The following ELP4 variants were observed in gnomAD, a reference collection of about 807,000 sequenced individuals.
The protein encoded by ELP4 is elongator complex protein 4.
A neutral mutation model predicts 48.9 loss-of-function variants in ELP4; 51 were observed. The observed-to-expected ratio is 1.04, with a 90% CI of 0.83 to 1.32. ELP4 has a LOEUF of 1.32. ELP4 is among the 40% of genes most tolerant of loss of function. ELP4 has a pLI of 0.00. For synonymous variants in ELP4, 210 were observed against 189.2 expected (o/e 1.11, Z -0.90); for missense variants, 519 against 514.6 (o/e 1.01, Z -0.08).
At chr11:31,695,706 CT>C (rs1946388105) in intron 9 of ELP4, among the ~76,000 whole-genome samples, 1 of 148,966 alleles carries the variant, frequency 6.7e-6, no homozygotes, top group African/African-American at 2.5e-5. Flanking sequence ...AGAATTTCCT[CT>C]TTTTCTATTG....
chr11:31,570,021 G>T (rs569601275), intron 3 of ELP4, among the ~76,000 whole-genome samples: 21 of 152,252 alleles, frequency 1.4e-4, no homozygotes, highest in African/African-American at 5.1e-4. Flanking sequence ...TACATACCCG[G>T]AGGAAAATAA....
At chr11:31,545,360 G>A (rs1956681934) in intron 3 of ELP4, among the ~76,000 whole-genome samples, 2 of 152,276 alleles carry the variant, frequency 1.3e-5, no homozygotes. Flanking sequence ...TAGCCGATGC[G>A]ATCAACTGGA....
At chr11:31,567,711 T>G (rs1957134376) in intron 3 of ELP4, among the ~76,000 whole-genome samples, 1 of 152,240 alleles carries the variant, frequency 6.6e-6, no homozygotes, top group African/African-American at 2.4e-5. Flanking sequence ...AGTCACTTTT[T>G]TTATTTCCCA....
At chr11:31,761,142 G>A (rs931608263) in intron 9 of ELP4, among the ~76,000 whole-genome samples, 4 of 151,990 alleles carry the variant, frequency 2.6e-5, no homozygotes, top group African/African-American at 7.2e-5. Flanking sequence ...CAGGGGGATC[G>A]CTTCGGCAAC....
chr11:31,720,456 T>C (rs537872541), intron 9 of ELP4, among the ~76,000 whole-genome samples: 3 of 152,188 alleles, frequency 2.0e-5, no homozygotes, highest in Admixed American at 2.0e-4. Context: ...GGTAACCCGC[T>C]GATGCAGGCA....
intron 9 of ELP4, among the ~76,000 whole-genome samples, chr11:31,680,727 T>G (rs993266709): frequency 6.6e-6 from 1 of 152,208 alleles, no homozygotes; most frequent in Non-Finnish European, 1.5e-5. Context: ...TCTTCTAATG[T>G]TGTGTTCAAT....
At chr11:31,735,322 G>C (rs142337236) in intron 9 of ELP4, among the ~76,000 whole-genome samples, 1 of 152,070 alleles carries the variant, frequency 6.6e-6, no homozygotes, top group Non-Finnish European at 1.5e-5. Flanking sequence ...ATTGATCTTG[G>C]ATATGACGTG....
At chr11:31,761,836 G>A (rs1947952602) in intron 9 of ELP4, 1 of 152,172 alleles carries the variant, frequency 6.6e-6, no homozygotes, top group Non-Finnish European at 1.5e-5. Context: ...TGCTCCAAGT[G>A]ACTCCTACTG....
chr11:31,783,320 A>T, intron 9 of ELP4, 73 bp from the exon 10 acceptor site: 2 of 1,387,516 alleles, frequency 1.4e-6, no homozygotes, highest in East Asian at 2.3e-5. Context: ...AATCTGAAGT[A>T]TGCTAGCCAA....
chr11:31,549,092 T>C (rs376497902), intron 3 of ELP4, among the ~76,000 whole-genome samples: 1 of 151,778 alleles, frequency 6.6e-6, no homozygotes, highest in African/African-American at 2.4e-5. Flanking sequence ...ACTTCATGTC[T>C]AAAACACCAA....
chr11:31,625,460 A>G (rs1944722865), intron 5 of ELP4, among the ~76,000 whole-genome samples: 1 of 151,890 alleles, frequency 6.6e-6, no homozygotes, highest in South Asian at 2.1e-4. Context: ...CACACACACA[A>G]TGAACTTTTA....
At chr11:31,574,113 T>C (rs1957229158) in intron 3 of ELP4, among the ~76,000 whole-genome samples, 1 of 152,214 alleles carries the variant, frequency 6.6e-6, no homozygotes, top group Admixed American at 6.5e-5. Context: ...TATAGACTGT[T>C]TTGAAAAGTT....
At chr11:31,740,406 A>C (rs1453115789) in intron 9 of ELP4, among the ~76,000 whole-genome samples, 2 of 152,244 alleles carry the variant, frequency 1.3e-5, no homozygotes, top group Non-Finnish European at 2.9e-5. Context: ...TTACATGCCA[A>C]AGATGTGAAA....
chr11:31,627,130 C>T lies in ELP4; in HGVS notation c.674C>T (p.Thr225Ile). The stretch of plus-strand genomic sequence containing the variant: ...AACAGTTCTTTGACCCCTGGCTACA[C>T]AAAGCTGCTTCAGTTTATCCAGAAC... The part of the protein sequence containing the change: ...VEPCSLTPGY[T>I]KLLQFIQNII... The change falls in exon 6 of 10, where the codon ACA (threonine) becomes ATA (isoleucine). Residue 225 changes from threonine (T) to isoleucine (I), a missense_variant. Coordinates refer to ENST00000640961, the MANE Select transcript of ELP4 (RefSeq NM_019040.5). 6.2e-7 allele frequency: 1 copy of T among 1,608,064 alleles called. No individual in the cohort carries two copies. Among genetic ancestry groups the T allele is most frequent in the African/African-American group, 1.3e-5 (1 of 74,768 alleles).
chr11:31,565,364 G>A (rs1193624016), intron 3 of ELP4, among the ~76,000 whole-genome samples: 4 of 150,990 alleles, frequency 2.6e-5, no homozygotes, highest in Non-Finnish European at 5.9e-5. Flanking sequence ...CTGTGCAGAA[G>A]CTCTTTAGTT....
chr11:31,575,223 G>C (rs978153153), intron 3 of ELP4, among the ~76,000 whole-genome samples: 15 of 152,204 alleles, frequency 9.9e-5, no homozygotes, highest in African/African-American at 3.6e-4. Flanking sequence ...AATGAAGCGA[G>C]AAGAGAAGTT....
chr11:31,615,503 CGT>C (rs1944461965), intron 5 of ELP4, among the ~76,000 whole-genome samples: 1 of 151,792 alleles, frequency 6.6e-6, no homozygotes, highest in African/African-American at 2.4e-5. Context: ...TTATAAGAAA[CGT>C]ATTTTTATTA....
At chr11:31,589,675 C>G (rs189457873) in intron 3 of ELP4, among the ~76,000 whole-genome samples, 4 of 152,232 alleles carry the variant, frequency 2.6e-5, no homozygotes, top group Admixed American at 2.0e-4. Flanking sequence ...ATCTATGTGA[C>G]AAGTTCTATA....
chr11:31,538,126 C>T (rs774631048), intron 2 of ELP4, among the ~76,000 whole-genome samples: 49 of 151,532 alleles, frequency 3.2e-4, no homozygotes, highest in Admixed American at 2.2e-3. Flanking sequence ...TCTAAAATTT[C>T]AGTTCCTATT....
Sources: allele counts gnomAD v4.1 joint callset (sites outside exome capture counted in the v4.1 genomes callset), GRCh38; gene constraint gnomAD v4.1.1; transcripts MANE v1.5; gene names NCBI Gene and HGNC (gene_info 2026-07-23, HGNC 2026-07-21).